TRIP12: variants seen among roughly 807,000 people sequenced by gnomAD.
The protein encoded by TRIP12 is E3 ubiquitin-protein ligase TRIP12.
TRIP12 carries 25 observed loss-of-function variants against 244.2 expected under a neutral mutation model. The observed-to-expected ratio is 0.10, with a 90% CI of 0.07 to 0.14. The LOEUF (loss-of-function observed/expected upper bound fraction) is 0.14. Ranked by LOEUF, TRIP12 falls within the 10% of genes least tolerant of loss-of-function variation. The probability of loss-of-function intolerance (pLI) is 1.00; values close to 1 mark genes in which losing one functional copy is unlikely to be tolerated. For synonymous variants in TRIP12, 905 were observed against 873.1 expected (o/e 1.04, Z -0.64); for missense variants, 1,677 against 2,486.4 (o/e 0.67, Z 6.92).
chr2:229,773,935 A>T (rs942925804), intron 38 of TRIP12, 162 bp downstream of exon 38: 4 of 640,248 alleles, frequency 6.2e-6, no homozygotes, highest in Admixed American at 2.8e-5. Context: ...TGTGCACTCA[A>T]GAGCAAAGAG....
Position 229,860,437 on chromosome 2 carries a change from A to T in TRIP12, c.193T>A (p.Ser65Thr). The change falls in exon 3 of 42, where the codon TCT (serine) becomes ACT (threonine). Residue 65 changes from serine to threonine, a missense_variant. Physicochemically the swap from Ser to Thr is moderately conservative, Grantham distance 58. Around this residue, in one of 11 missense-constraint regions of TRIP12, gnomAD observed 387 missense variants for 392.6 expected, o/e 0.99. Transcript: ENST00000675903. ...KAPKVQSNTT[S>T]ELSRGHLSKR... ...GAAAGGTGTCCCCTTGACAGTTCAG[A>T]AGTAGTATTAGACTGCACTTTGGGT... is the stretch of plus-strand genomic sequence containing the variant. 1.2e-6 allele frequency: 2 copies of T among 1,610,592 alleles called. No individual in the cohort carries two copies. Among genetic ancestry groups the T allele is most frequent in the South Asian group, 2.2e-5 (2 of 90,746 alleles).
chr2:229,872,163 T>C (rs2062760074), intron 2 of TRIP12, among the ~76,000 whole-genome samples: 1 of 142,140 alleles, frequency 7.0e-6, no homozygotes, highest in Non-Finnish European at 1.5e-5. Context: ...GTGCAGTGGC[T>C]CATGCCTGTA....
At position 229,767,485 on chromosome 2, in the gene TRIP12, A is replaced by G. The variant is rs1284516848; in HGVS notation, c.*69T>C. 6.7e-7 allele frequency: 1 copy of G among 1,502,918 alleles called. No individual in the cohort carries two copies. The highest frequency in any genetic ancestry group is 8.9e-7 in the Non-Finnish European group (1 of 1,123,394). 93.1% of individuals were successfully genotyped at this position (1,502,918 alleles called of 1,614,324 possible). A position where few individuals can be genotyped will look rare whatever the true frequency, so the allele number is the denominator to read the frequency against. ...AACATGTTTCCTTGACTCAGGTGAT[A>G]ACATTAGAAAAGAAATCATGATTTG... On this transcript the variant is annotated 3_prime_UTR_variant, in exon 42 of 42. Coordinates refer to ENST00000675903, the MANE Select transcript of TRIP12 (RefSeq NM_001348323.3).
At chr2:229,904,477 G>C (rs548293818) in intron 1 of TRIP12, among the ~76,000 whole-genome samples, 1 of 151,004 alleles carries the variant, frequency 6.6e-6, no homozygotes, top group Non-Finnish European at 1.5e-5. Flanking sequence ...TAACAATTAT[G>C]GTTAAGTAAA....
chr2:229,865,948 C>A (rs2061444431), intron 2 of TRIP12, among the ~76,000 whole-genome samples: 1 of 152,136 alleles, frequency 6.6e-6, no homozygotes. Context: ...AGCAGTATTT[C>A]TAAACAGCAA....
chr2:229,770,314 G>A (rs1310226028), intron 39 of TRIP12, among the ~76,000 whole-genome samples: 1 of 152,054 alleles, frequency 6.6e-6, no homozygotes, highest in African/African-American at 2.4e-5. Flanking sequence ...CAATTTTACA[G>A]ATGAAACAGT....
chr2:229,888,104 T>C (rs1052935146), intron 1 of TRIP12, among the ~76,000 whole-genome samples: 9 of 152,370 alleles, frequency 5.9e-5, no homozygotes, highest in African/African-American at 1.9e-4. Context: ...TTACATTCTA[T>C]AGTTCTAAAA....
intron 17 of TRIP12, among the ~76,000 whole-genome samples, chr2:229,806,539 G>C (rs1314790502): frequency 3.3e-5 from 5 of 152,168 alleles, no homozygotes; most frequent in Non-Finnish European, 7.4e-5. Flanking sequence ...TGGAAGACAA[G>C]ACTCTCAGCA....
intron 39 of TRIP12, 98 bp from the exon 40 acceptor site, chr2:229,769,423 T>A: frequency 1.0e-6 from 1 of 975,106 alleles, no homozygotes; most frequent in Non-Finnish European, 1.5e-6. Context: ...AGTATCAGTC[T>A]CAGTACTAAA....
At chr2:229,881,269 A>C (rs2064822398) in intron 1 of TRIP12, among the ~76,000 whole-genome samples, 1 of 152,234 alleles carries the variant, frequency 6.6e-6, no homozygotes, top group African/African-American at 2.4e-5. Context: ...CGAAACTCAG[A>C]AAATTAGTTT....
chr2:229,797,329 G>C (rs754435564), intron 24 of TRIP12, among the ~76,000 whole-genome samples: 1 of 152,186 alleles, frequency 6.6e-6, no homozygotes, highest in Non-Finnish European at 1.5e-5. Flanking sequence ...CTGCCACTCT[G>C]AGACCCCATG....
chr2:229,900,133 T>C (rs1164191710), intron 1 of TRIP12, among the ~76,000 whole-genome samples: 2 of 152,338 alleles, frequency 1.3e-5, no homozygotes, highest in Non-Finnish European at 2.9e-5. Flanking sequence ...CAGACTGTTA[T>C]ACAAAGGAAG....
chr2:229,802,977 G>C (rs1439205912), intron 20 of TRIP12, among the ~76,000 whole-genome samples: 2 of 152,192 alleles, frequency 1.3e-5, no homozygotes, highest in Non-Finnish European at 2.9e-5. Context: ...GTGAGGCAGG[G>C]GTTCCTATCT....
chr2:229,880,086 C>T lies in TRIP12; in HGVS notation c.-7G>A. The T allele has an allele frequency of 1.2e-6, 2 of 1,613,866 alleles. No individual in the cohort carries two copies. The highest frequency in any genetic ancestry group is 8.5e-7 in the Non-Finnish European group (1 of 1,179,886). On this transcript the variant is annotated 5_prime_UTR_variant, in exon 2 of 42. Coordinates refer to ENST00000675903, the MANE Select transcript of TRIP12 (RefSeq NM_001348323.3). The stretch of plus-strand genomic sequence containing the variant: ...TATTAGGCCGGTTGGACATTGGCAC[C>T]TCTCTCTTGAAGGGACATACCCTTT...
At chr2:229,865,470 T>G (rs1431816874) in intron 2 of TRIP12, among the ~76,000 whole-genome samples, 1 of 152,038 alleles carries the variant, frequency 6.6e-6, no homozygotes. Context: ...GCTAGACATA[T>G]TCACAGCTTA....
intron 1 of TRIP12, among the ~76,000 whole-genome samples, chr2:229,916,230 A>G (rs1447694928): frequency 6.6e-6 from 1 of 152,230 alleles, no homozygotes; most frequent in Non-Finnish European, 1.5e-5. Flanking sequence ...ACAAAGTACT[A>G]AGTTAAATTA....
chr2:229,885,245 C>A (rs1011806182), intron 1 of TRIP12, among the ~76,000 whole-genome samples: 1 of 152,126 alleles, frequency 6.6e-6, no homozygotes, highest in Admixed American at 6.5e-5. Context: ...TAATTTCTTA[C>A]GGACTTATTT....
intron 16 of TRIP12, 140 bp downstream of exon 16, chr2:229,808,112 G>T: frequency 1.4e-6 from 1 of 709,040 alleles, no homozygotes; most frequent in Non-Finnish European, 2.3e-6. Context: ...GATTACAGGC[G>T]CCCGCCACTA....
intron 1 of TRIP12, among the ~76,000 whole-genome samples, chr2:229,906,728 A>C (rs1046735331): frequency 6.6e-6 from 1 of 151,706 alleles, no homozygotes; most frequent in Non-Finnish European, 1.5e-5. Context: ...TCAAAACAAA[A>C]AAAAAAAAAG....
Sources: allele counts gnomAD v4.1 joint callset (sites outside exome capture counted in the v4.1 genomes callset), GRCh38; gene constraint gnomAD v4.1.1; regional missense constraint gnomAD v4.1.1; transcripts MANE v1.5; gene names NCBI Gene and HGNC (gene_info 2026-07-23, HGNC 2026-07-21).